The following CACNA1C variants were observed in gnomAD, a reference collection of about 807,000 sequenced individuals.
CACNA1C encodes voltage-dependent L-type calcium channel subunit alpha-1C.
Under a neutral mutation model 229.0 loss-of-function variants are expected in CACNA1C, and 30 were observed. The ratio of observed to expected loss-of-function variants is 0.13; its 90% confidence interval spans 0.10 to 0.18. The LOEUF (loss-of-function observed/expected upper bound fraction) is 0.18. Ranked by LOEUF, CACNA1C falls within the 10% of genes least tolerant of loss-of-function variation. The pLI is 1.00. For synonymous variants in CACNA1C, 1,114 were observed against 1,132.5 expected (o/e 0.98, Z 0.33); for missense variants, 1,658 against 2,845.0 (o/e 0.58, Z 9.49).
chr12:2,490,044 C>T (rs1216306412), intron 6 of CACNA1C, among the ~76,000 whole-genome samples: 2 of 152,212 alleles, frequency 1.3e-5, no homozygotes, highest in African/African-American at 4.8e-5. Flanking sequence ...TTCAAGTGTT[C>T]GCTTTAGCGC....
intron 1 of CACNA1C, chr12:2,019,824 C>T (rs2046123487): frequency 6.6e-6 from 1 of 152,090 alleles, no homozygotes; most frequent in Non-Finnish European, 1.5e-5. Context: ...CTGAAGATAT[C>T]AGTGGTAGAT....
intron 1 of CACNA1C, among the ~76,000 whole-genome samples, chr12:2,107,614 A>G (rs2079648272): frequency 6.6e-6 from 1 of 152,270 alleles, no homozygotes; most frequent in Admixed American, 6.5e-5. Flanking sequence ...GCCATTGAGA[A>G]GAAAGTCATC....
chr12:2,624,881 C>G (rs1418003314), intron 29 of CACNA1C, among the ~76,000 whole-genome samples: 2 of 152,198 alleles, frequency 1.3e-5, no homozygotes, highest in Non-Finnish European at 2.9e-5. Flanking sequence ...GAAAAGGGAC[C>G]GGGAAAGAAG....
chr12:2,197,404 T>G (rs2097441584), intron 3 of CACNA1C, among the ~76,000 whole-genome samples: 1 of 152,232 alleles, frequency 6.6e-6, no homozygotes, highest in Non-Finnish European at 1.5e-5. Context: ...CCAGGCAGCG[T>G]ACATTCAGAC....
At chr12:2,110,936 T>TGTCTCACCCGAGAGGCCAC (rs1565755648) in intron 1 of CACNA1C, among the ~76,000 whole-genome samples, 159 of 97,794 alleles carry the variant, frequency 1.6e-3, no homozygotes, top group African/African-American at 4.9e-3. Flanking sequence ...CGAGAGGCCA[T>TGTCTCACCCGAGAGGCCAC]ACCTGTCTCA....
chr12:2,453,903 T>G (rs1282575984), intron 4 of CACNA1C, among the ~76,000 whole-genome samples: 2 of 152,190 alleles, frequency 1.3e-5, no homozygotes, highest in East Asian at 3.9e-4. Flanking sequence ...AGTTCTCAGC[T>G]TCCTTTCTGG....
intron 29 of CACNA1C, among the ~76,000 whole-genome samples, chr12:2,619,285 T>G (rs2082148964): frequency 6.6e-6 from 1 of 152,208 alleles, no homozygotes; most frequent in South Asian, 2.1e-4. Flanking sequence ...TACAGAGGAA[T>G]GAAGGCTTCA....
rs373567008 is a variant in CACNA1C, at chr12:2,275,443, C to T, written c.477+155013C>T. Among the ~76,000 whole-genome samples the T allele has an allele frequency of 2.0e-5, 3 of 152,250 alleles. No homozygotes were observed. Among genetic ancestry groups the T allele is most frequent in the South Asian group, 4.1e-4 (2 of 4,826 alleles). On this transcript the variant is annotated intron_variant, in intron 3 of 46. Transcript: ENST00000399655. The surrounding 1 kb of genome is among the most constrained non-coding windows in gnomAD (Gnocchi z 4.1). ...GGTGAGCCCGCCAGCTGTACCGCAT[C>T]GCTCTGTGCATGTGACCTAGCTCTC...
chr12:2,032,636 C>T (rs1373686814), intron 1 of CACNA1C, among the ~76,000 whole-genome samples: 1 of 152,134 alleles, frequency 6.6e-6, no homozygotes, highest in Non-Finnish European at 1.5e-5. Flanking sequence ...TTATGCAGAA[C>T]CCGTGAAAGG....
At chr12:2,259,821 A>G (rs984995027) in intron 3 of CACNA1C, among the ~76,000 whole-genome samples, 1 of 152,174 alleles carries the variant, frequency 6.6e-6, no homozygotes, top group Non-Finnish European at 1.5e-5. Context: ...CTTTGGTCCT[A>G]GCTACTTGGG....
chr12:2,688,833 T>C (rs1242131286), intron 46 of CACNA1C, 54 bp downstream of exon 46: 1 of 1,363,814 alleles, frequency 7.3e-7, no homozygotes, highest in African/African-American at 1.5e-5. Context: ...CAAGGGGACT[T>C]GGCATGCGGG....
rs562511044 is a variant in CACNA1C, at chr12:2,366,140, C to CTCTT, written c.478-82836_478-82835insTCTT. 3.5e-4 allele frequency among the ~76,000 whole-genome samples: 54 copies of CTCTT among 152,316 alleles called. 1 individual carries two copies. In the Middle Eastern group the frequency reaches 0.017, roughly 48 times the overall value. On this transcript the variant is annotated intron_variant, in intron 3 of 46. Coordinates refer to ENST00000399655, the MANE Select transcript of CACNA1C (RefSeq NM_000719.7). ...TTAAATAGAGCTGAGGCATCCTGAG[C>CTCTT]AAGAGCACAAGCTCTGGGAGCTGCA...
chr12:2,099,102 G>A (rs1418611511), intron 1 of CACNA1C, among the ~76,000 whole-genome samples: 3 of 152,230 alleles, frequency 2.0e-5, no homozygotes, highest in Non-Finnish European at 4.4e-5. Flanking sequence ...GCTTAGTCTC[G>A]CTGCCGCTCA....
chr12:2,045,974 G>A (rs1313732425), intron 1 of CACNA1C, among the ~76,000 whole-genome samples: 2 of 151,720 alleles, frequency 1.3e-5, no homozygotes, highest in South Asian at 4.2e-4. Flanking sequence ...AGAAGATGAG[G>A]AGGCAAGGTG....
intron 1 of CACNA1C, among the ~76,000 whole-genome samples, chr12:2,045,885 C>A (rs936972827): frequency 6.6e-6 from 1 of 151,708 alleles, no homozygotes; most frequent in Non-Finnish European, 1.5e-5. Flanking sequence ...ATGAAGACAT[C>A]GTCTGGGATT....
At chr12:2,238,876 CCAGG>C in intron 3 of CACNA1C, among the ~76,000 whole-genome samples, 1 of 152,068 alleles carries the variant, frequency 6.6e-6, no homozygotes, top group South Asian at 2.1e-4. Flanking sequence ...GTTTTGGAGG[CCAGG>C]GATTTTCATT....
chr12:2,548,907 A>G (rs74053811), intron 9 of CACNA1C, among the ~76,000 whole-genome samples: 5,402 of 152,246 alleles, frequency 0.035, 301 homozygotes, highest in African/African-American at 0.12. Context: ...GAGGAGTTCT[A>G]TTCTGGAGGA....
chr12:2,254,504 C>G (rs2076660725), intron 3 of CACNA1C, among the ~76,000 whole-genome samples: 1 of 152,176 alleles, frequency 6.6e-6, no homozygotes, highest in Non-Finnish European at 1.5e-5. Context: ...CCCCATTACT[C>G]TTGTGTCCTG....
intron 6 of CACNA1C, among the ~76,000 whole-genome samples, chr12:2,489,234 TC>T (rs2154571114): frequency 6.6e-6 from 1 of 152,350 alleles, no homozygotes; most frequent in African/African-American, 2.4e-5. Flanking sequence ...TACATCAAAT[TC>T]TTTTTATAGT....
Sources: gnomAD v4.1 joint callset for allele counts (sites outside exome capture counted in the v4.1 genomes callset) on GRCh38, gnomAD v4.1.1 for gene constraint, Gnocchi (gnomAD v3.1) non-coding constraint, MANE v1.5 for transcripts, NCBI Gene and HGNC (gene_info 2026-07-23, HGNC 2026-07-21) for gene names.